The following TCAF1 variants were observed in gnomAD, a reference collection of about 807,000 sequenced individuals.
TCAF1 encodes TRPM8 channel associated factor 1.
In TCAF1, 4 loss-of-function variants were observed where a neutral mutation model predicts 27.3. That is an observed-to-expected ratio of 0.15 (90% CI 0.07 to 0.34). The LOEUF (loss-of-function observed/expected upper bound fraction) is 0.34, where lower values mean the gene tolerates loss of function less well. Ranked by LOEUF, TCAF1 falls within the 10% of genes least tolerant of loss-of-function variation. The pLI is 1.00. For synonymous variants in TCAF1, 105 were observed against 167.1 expected (o/e 0.63, Z 2.87); for missense variants, 257 against 425.8 (o/e 0.60, Z 3.49).
At chr7:143,857,849 G>GAAAAAAAAAA (rs1811618390) in intron 7 of TCAF1, among the ~76,000 whole-genome samples, 1 of 121,158 alleles carries the variant, frequency 8.3e-6, no homozygotes. Flanking sequence ...GGCTTTTGGG[G>GAAAAAAAAAA]AAAAAAAGTG....
At chr7:143,896,160 T>C (rs1321392039) in intron 1 of TCAF1, among the ~76,000 whole-genome samples, 1 of 151,764 alleles carries the variant, frequency 6.6e-6, no homozygotes, top group Non-Finnish European at 1.5e-5. Flanking sequence ...TCTGAAGAGT[T>C]AGAGTCAAAC....
rs1235732723 is a variant in TCAF1 at position 143,859,925 on chromosome 7, T to A, written c.2167+283A>T. ...TATAATATATATTACGGAATATATATTATATAATATATATTATATAATATA... is the reference window on the plus strand; with the variant it reads ...TATAATATATATTACGGAATATATAATATATAATATATATTATATAATATA... On this transcript the variant is annotated intron_variant, in intron 6 of 8. Coordinates refer to ENST00000479870, the MANE Select transcript of TCAF1 (RefSeq NM_014719.3). Among the ~76,000 whole-genome samples, 132 of 83,316 alleles carry A rather than the reference T, an allele frequency of 1.6e-3. 2 individuals carry two copies. Among genetic ancestry groups the A allele is most frequent in the Non-Finnish European group, 2.4e-3 (106 of 44,532 alleles). 54.7% of individuals were successfully genotyped at this position (83,316 alleles called of 152,430 possible).
chr7:143,878,661 G>T (rs961017165), intron 1 of TCAF1, among the ~76,000 whole-genome samples: 1 of 152,196 alleles, frequency 6.6e-6, no homozygotes, highest in African/African-American at 2.4e-5. Flanking sequence ...CTATTGAGAA[G>T]ATACTGATAT....
At chr7:143,891,703 A>G (rs1180060346) in intron 1 of TCAF1, among the ~76,000 whole-genome samples, 3 of 152,166 alleles carry the variant, frequency 2.0e-5, no homozygotes. Flanking sequence ...AAGGAAGGAG[A>G]TAATAAAACA....
At chr7:143,890,446 T>A (rs979861547) in intron 1 of TCAF1, among the ~76,000 whole-genome samples, 5 of 152,332 alleles carry the variant, frequency 3.3e-5, no homozygotes, top group African/African-American at 1.2e-4. Flanking sequence ...TTTCAAAAAA[T>A]TTTTAATTCC....
chr7:143,876,397 G>A lies in TCAF1; in HGVS notation c.212C>T (p.Ala71Val), dbSNP rs778624146. 5 of 1,613,948 alleles carry A rather than the reference G, an allele frequency of 3.1e-6. No individual in the cohort carries two copies. Among genetic ancestry groups the A allele is most frequent in the Non-Finnish European group, 4.2e-6 (5 of 1,179,926 alleles). The part of the protein sequence containing the change: ...VVSHEDYLVE[A>V]QLTPFLLNAV... ...GTTCAGGAGAAAGGGCGTGAGCTGG[G>A]CTTCCACCAAGTAGTCCTCATGGGA... Residue 71 changes from alanine (A) to valine (V), a missense_variant, in exon 2 of 9, where the codon GCC becomes GTC. Transcript: ENST00000479870.
At chr7:143,890,540 T>C (rs1368158442) in intron 1 of TCAF1, among the ~76,000 whole-genome samples, 1 of 152,134 alleles carries the variant, frequency 6.6e-6, no homozygotes, top group African/African-American at 2.4e-5. Flanking sequence ...CTCAACAAAA[T>C]ATAGGAAACC....
intron 1 of TCAF1, among the ~76,000 whole-genome samples, chr7:143,890,011 C>T (rs1217355019): frequency 6.8e-6 from 1 of 147,544 alleles, no homozygotes; most frequent in East Asian, 2.1e-4. Context: ...TTTTTTGAGA[C>T]GGAGTCTCGC....
chr7:143,860,686 T>C (rs1325694220), intron 5 of TCAF1, among the ~76,000 whole-genome samples: 1 of 152,304 alleles, frequency 6.6e-6, no homozygotes, highest in Non-Finnish European at 1.5e-5. Flanking sequence ...AAGCCCAGCA[T>C]GCATTAGCTA....
chr7:143,881,050 G>A (rs1436871085), intron 1 of TCAF1, among the ~76,000 whole-genome samples: 1 of 152,188 alleles, frequency 6.6e-6, no homozygotes, highest in African/African-American at 2.4e-5. Context: ...AACTCAGGGA[G>A]AGAGCAGAGC....
Position 143,859,883 on chromosome 7 carries a change from A to ATATATAATATATAT in TCAF1, c.2167+311_2167+324dup, listed in dbSNP as rs1488946634. On this transcript the variant is annotated intron_variant, in intron 6 of 8. Transcript: ENST00000479870. ...TATATACACATATACATATATACAT[A>ATATATAATATATAT]TATATAATATATATTATATAATATA... is the stretch of plus-strand genomic sequence containing the variant. Among the ~76,000 whole-genome samples the ATATATAATATATAT allele has an allele frequency of 2.0e-3, 178 of 87,758 alleles. 2 individuals carry two copies. The highest frequency in any genetic ancestry group is 2.5e-3 in the Non-Finnish European group (122 of 47,986). The allele number at this position is 87,758 out of a possible 152,430, so 57.6% of individuals were successfully genotyped here. A position where few individuals can be genotyped will look rare whatever the true frequency, so the allele number is the denominator to read the frequency against.
Position 143,876,005 on chromosome 7 carries a change from T to C in TCAF1, c.604A>G (p.Ile202Val), listed in dbSNP as rs1812674944. 6.4e-7 allele frequency: 1 copy of C among 1,557,918 alleles called. No individual in the cohort carries two copies. The highest frequency in any genetic ancestry group is 1.2e-5 in the South Asian group (1 of 80,674). Reference sequence around the variant, plus strand: ...CATACTCACCTAACCAACACTGGGATCTTGGGCATCTTCTTGGAGACTTTA... The same window carrying C: ...CATACTCACCTAACCAACACTGGGACCTTGGGCATCTTCTTGGAGACTTTA... ...FFKVSKKMPKIPVLVSCEDDL... is the reference protein window; with the variant it reads ...FFKVSKKMPKVPVLVSCEDDL... The change falls in exon 2 of 9, where the codon ATC becomes GTC. Residue 202 changes from isoleucine to valine, a missense_variant. By Grantham distance (29) the Ile-to-Val change is conservative. Coordinates refer to ENST00000479870, the MANE Select transcript of TCAF1 (RefSeq NM_014719.3).
intron 1 of TCAF1, among the ~76,000 whole-genome samples, chr7:143,881,696 C>G (rs1057316186): frequency 2.6e-5 from 4 of 152,146 alleles, no homozygotes; most frequent in Non-Finnish European, 5.9e-5. Context: ...CTGTGATCCT[C>G]CCCATTCAGC....
chr7:143,883,566 C>T (rs1191447273), intron 1 of TCAF1, among the ~76,000 whole-genome samples: 2 of 126,946 alleles, frequency 1.6e-5, no homozygotes, highest in African/African-American at 3.2e-5. Context: ...AGTGCAATGG[C>T]GCGATCTCGG....
intron 1 of TCAF1, among the ~76,000 whole-genome samples, chr7:143,901,749 C>G (rs1442961870): frequency 2.0e-5 from 3 of 152,214 alleles, no homozygotes; most frequent in Non-Finnish European, 4.4e-5. Flanking sequence ...GTCATCGCCT[C>G]CTGCCCAGCA....
At chr7:143,875,722 G>A (rs1264112450) in intron 2 of TCAF1, among the ~76,000 whole-genome samples, 1 of 152,158 alleles carries the variant, frequency 6.6e-6, no homozygotes, top group Non-Finnish European at 1.5e-5. Flanking sequence ...CAACAGCACA[G>A]TTTTGATTAA....
rs529334203 is a variant in TCAF1 at position 143,898,608 on chromosome 7, G to A, written c.-15+3353C>T. On this transcript the variant is annotated intron_variant, in intron 1 of 8. Coordinates refer to ENST00000479870, the MANE Select transcript of TCAF1 (RefSeq NM_014719.3). ...CTTACAATAGCAGTAAAAATATGAC[G>A]TGCCTAGAAATTTAACAAAAACTGA... Among the ~76,000 whole-genome samples the A allele has an allele frequency of 1.3e-4, 20 of 152,084 alleles. No individual in the cohort carries two copies. In the South Asian group the frequency reaches 4.2e-3, roughly 32 times the overall value.
At position 143,851,680 on chromosome 7, in the gene TCAF1, T is replaced by C. The variant is rs1811294517; in HGVS notation, c.*2453A>G. 1 of 152,128 alleles carries C rather than the reference T, an allele frequency of 6.6e-6. No individual in the cohort carries two copies. Among genetic ancestry groups the C allele is most frequent in the African/African-American group, 2.4e-5 (1 of 41,376 alleles). The allele number at this position is 152,128 out of a possible 1,614,324, so 9.4% of individuals were successfully genotyped here. On this transcript the variant is annotated 3_prime_UTR_variant, in exon 9 of 9. Coordinates refer to ENST00000479870, the MANE Select transcript of TCAF1 (RefSeq NM_014719.3). ...CTTACACTATCGCCACTTTCCTTTGTCCATCTCTCTCCAAATGTCTGATAG... is the reference window on the plus strand; with the variant it reads ...CTTACACTATCGCCACTTTCCTTTGCCCATCTCTCTCCAAATGTCTGATAG...
intron 5 of TCAF1, among the ~76,000 whole-genome samples, chr7:143,860,733 C>T (rs1411725589): frequency 6.6e-6 from 1 of 151,776 alleles, no homozygotes; most frequent in Non-Finnish European, 1.5e-5. Flanking sequence ...ACCCCCGCTA[C>T]CCACCCCACT....
Sources: gnomAD v4.1 joint callset for allele counts (sites outside exome capture counted in the v4.1 genomes callset) on GRCh38, gnomAD v4.1.1 for gene constraint, MANE v1.5 for transcripts, NCBI Gene and HGNC (gene_info 2026-07-23, HGNC 2026-07-21) for gene names.